The following DPP6 variants were observed in gnomAD, a reference collection of about 807,000 sequenced individuals.
DPP6 encodes the protein dipeptidyl peptidase like 6, also known as A-type potassium channel modulatory protein DPP6.
In DPP6, 69 loss-of-function variants were observed where a neutral mutation model predicts 122.6. The ratio of observed to expected loss-of-function variants is 0.56; its 90% CI spans 0.46 to 0.69. DPP6 has a LOEUF of 0.69. DPP6 is among the 30% of genes least tolerant of loss of function. DPP6 has a pLI of 0.00. For missense variants in DPP6, 928 were observed against 1,116.9 expected (o/e 0.83, Z 2.41); for synonymous variants, 418 against 433.1 (o/e 0.97, Z 0.43).
Position 154,843,587 on chromosome 7 carries a change from C to T in DPP6, c.1667-10193C>T, listed in dbSNP as rs985559385. 1.6e-4 allele frequency among the ~76,000 whole-genome samples: 24 copies of T among 152,310 alleles called. No homozygotes were observed. In the South Asian group the frequency reaches 2.3e-3, roughly 14 times the overall value. On this transcript the variant is annotated intron_variant, in intron 16 of 25. Transcript: ENST00000377770. ...TCTCTGGAGGAAGGTATCCCCATCA[C>T]AGAGAGTTGTGACGAGGTTGAGAGA...
intron 2 of DPP6, among the ~76,000 whole-genome samples, chr7:154,467,744 C>G (rs555375420): frequency 6.6e-6 from 1 of 152,320 alleles, no homozygotes; most frequent in African/African-American, 2.4e-5. Context: ...TCTTAAGAAT[C>G]TGCGGATCTT....
At chr7:154,222,860 T>C (rs1169377943) in intron 1 of DPP6, among the ~76,000 whole-genome samples, 1 of 148,704 alleles carries the variant, frequency 6.7e-6, no homozygotes, top group Non-Finnish European at 1.5e-5. Context: ...GGAACTCCAA[T>C]GGTGTGATTG....
At chr7:153,808,951 T>G in the DPP6 span, among the ~76,000 whole-genome samples, 2 of 151,948 alleles carry the variant, frequency 1.3e-5, no homozygotes, top group Admixed American at 6.5e-5. Flanking sequence ...TTTTGATTTT[T>G]ATTTTTTTGT....
chr7:153,797,999 G>A, the DPP6 span, among the ~76,000 whole-genome samples: 19 of 152,234 alleles, frequency 1.2e-4, no homozygotes, highest in Middle Eastern at 3.4e-3. Context: ...CCGTCACCAT[G>A]CCCAGCTAAT....
At chr7:154,305,263 C>T in intron 1 of DPP6, 4 of 1,295,614 alleles carry the variant, frequency 3.1e-6, no homozygotes, top group Non-Finnish European at 3.9e-6. Flanking sequence ...AGAAGCCCCA[C>T]TAAGCAGCGG....
intron 1 of DPP6, among the ~76,000 whole-genome samples, chr7:154,279,475 C>G (rs890552965): frequency 1.3e-5 from 2 of 152,170 alleles, no homozygotes; most frequent in Non-Finnish European, 1.5e-5. Context: ...GAGACAACGC[C>G]TTGGAAGCGT....
intron 1 of DPP6, among the ~76,000 whole-genome samples, chr7:154,164,869 G>A (rs1203034632): frequency 6.6e-6 from 1 of 152,102 alleles, no homozygotes; most frequent in African/African-American, 2.4e-5. Context: ...TCAGTTGCTG[G>A]ACACTTCCTG....
rs184190456 is a variant in DPP6 at position 154,875,978 on chromosome 7, C to T, written c.1956C>T (p.Ser652=). The change falls in exon 20 of 26, where the codon AGC becomes AGT. Residue 652 remains serine (S), a synonymous_variant. Coordinates refer to ENST00000377770, the MANE Select transcript of DPP6 (RefSeq NM_130797.4). This position sits in a 1 kb window ranked among gnomAD's most constrained non-coding sequence, Gnocchi z 4.5. ...GCTGGGAGACGGTGATGGTGAGCAGCCACGGCGCGGTGGTGGTAAAGTGTG... is the reference window on the plus strand; with the variant it reads ...GCTGGGAGACGGTGATGGTGAGCAGTCACGGCGCGGTGGTGGTAAAGTGTG... The part of the protein sequence containing the change: ...EVSWETVMVS[S]HGAVVVKCDG... The T allele has an allele frequency of 4.2e-4, 684 of 1,613,504 alleles. 6 individuals carry two copies. The African/African-American group carries it at 7.4e-3, about 18-fold the overall frequency.
intron 16 of DPP6, among the ~76,000 whole-genome samples, chr7:154,839,799 T>G (rs1160290162): frequency 6.6e-6 from 1 of 152,128 alleles, no homozygotes; most frequent in Non-Finnish European, 1.5e-5. Context: ...TGGGCCACAG[T>G]GTGTGATAGG....
At chr7:154,260,534 G>A (rs965224619) in intron 1 of DPP6, among the ~76,000 whole-genome samples, 17 of 151,814 alleles carry the variant, frequency 1.1e-4, no homozygotes, top group African/African-American at 3.9e-4. Context: ...TCCCATTTAT[G>A]AGTGAGAACA....
chr7:154,136,618 T>A (rs11974125), intron 1 of DPP6, among the ~76,000 whole-genome samples: 41,801 of 147,932 alleles, frequency 0.28, 5,317 homozygotes, highest in East Asian at 0.39. Flanking sequence ...TAAACACATA[T>A]CTTCTTCCTT....
At chr7:154,656,016 T>C (rs2131016325) in intron 6 of DPP6, among the ~76,000 whole-genome samples, 1 of 151,754 alleles carries the variant, frequency 6.6e-6, no homozygotes, top group Non-Finnish European at 1.5e-5. Context: ...AAATTGCCCC[T>C]CCCAGTTCTG....
intron 1 of DPP6, among the ~76,000 whole-genome samples, chr7:154,336,605 T>G (rs942978479): frequency 1.3e-5 from 2 of 152,094 alleles, no homozygotes; most frequent in Non-Finnish European, 2.9e-5. Flanking sequence ...AAAGTAGAGT[T>G]TGTAGTGAAT....
intron 1 of DPP6, among the ~76,000 whole-genome samples, chr7:154,415,011 A>C (rs1461883961): frequency 2.0e-5 from 3 of 152,148 alleles, no homozygotes; most frequent in African/African-American, 7.2e-5. Context: ...GGTCATCTTG[A>C]AGGCTGGCCA....
intron 16 of DPP6, among the ~76,000 whole-genome samples, chr7:154,828,137 GAA>G (rs1461175519): frequency 6.6e-6 from 1 of 152,130 alleles, no homozygotes; most frequent in Non-Finnish European, 1.5e-5. Flanking sequence ...TGAATTTCCT[GAA>G]TGTAACGGTA....
chr7:154,131,370 C>G (rs1038508831), intron 1 of DPP6, among the ~76,000 whole-genome samples: 2 of 152,220 alleles, frequency 1.3e-5, no homozygotes, highest in Non-Finnish European at 1.5e-5. Context: ...GAAAACTGAA[C>G]TGGATGATCT....
Position 154,338,085 on chromosome 7 carries a change from T to C in DPP6, c.244-108129T>C, listed in dbSNP as rs118022102. On this transcript the variant is annotated intron_variant, in intron 1 of 25. Coordinates refer to ENST00000377770, the MANE Select transcript of DPP6 (RefSeq NM_130797.4). ...CACTTAACTTTAGTCTGGATTCACATTTTTTTTTTCCAGAAGGTGAGATTC... is the reference window on the plus strand; with the variant it reads ...CACTTAACTTTAGTCTGGATTCACACTTTTTTTTTCCAGAAGGTGAGATTC... Among the ~76,000 whole-genome samples, 910 of 150,320 alleles carry C rather than the reference T, an allele frequency of 6.1e-3. 25 individuals carry two copies. The highest frequency in any genetic ancestry group is 0.052 in the East Asian group (268 of 5,106).
At chr7:154,520,010 T>C (rs1339706910) in intron 3 of DPP6, among the ~76,000 whole-genome samples, 1 of 152,176 alleles carries the variant, frequency 6.6e-6, no homozygotes, top group Non-Finnish European at 1.5e-5. Flanking sequence ...ATTCTATTAC[T>C]GAAAATGAAA....
chr7:154,509,386 C>T lies in DPP6; in HGVS notation c.458-31146C>T, dbSNP rs893718985. 5.5e-4 allele frequency among the ~76,000 whole-genome samples: 84 copies of T among 152,116 alleles called. 1 individual carries two copies. Among genetic ancestry groups the T allele is most frequent in the African/African-American group, 1.9e-3 (80 of 41,432 alleles). On this transcript the variant is annotated intron_variant, in intron 3 of 25. Coordinates refer to ENST00000377770, the MANE Select transcript of DPP6 (RefSeq NM_130797.4). ...AATATGTACATGAAAAGATATTTGA[C>T]GTCATCGTTCAGCAGGAAAATGCAA... is the stretch of plus-strand genomic sequence containing the variant.
Sources: gnomAD v4.1 joint callset for allele counts (sites outside exome capture counted in the v4.1 genomes callset) on GRCh38, gnomAD v4.1.1 for gene constraint, Gnocchi (gnomAD v3.1) non-coding constraint, MANE v1.5 for transcripts, NCBI Gene and HGNC (gene_info 2026-07-23, HGNC 2026-07-21) for gene names.